CORO2B: variants seen among roughly 807,000 people sequenced by gnomAD.
CORO2B encodes the protein coronin 2B, also known as coronin-2B.
CORO2B carries 26 observed loss-of-function variants against 58.8 expected under a neutral mutation model. That is an observed-to-expected ratio of 0.44 (90% CI 0.32 to 0.61). The LOEUF (loss-of-function observed/expected upper bound fraction) is 0.61. Ranked by LOEUF, CORO2B falls within the 20% of genes least tolerant of loss-of-function variation. CORO2B has a pLI of 0.04. For missense variants in CORO2B, 460 were observed against 645.1 expected, an observed-to-expected ratio of 0.71 and a Z score of 3.11; for synonymous variants, 242 against 253.8, an observed-to-expected ratio of 0.95 and a Z score of 0.44.
intron 2 of CORO2B, among the ~76,000 whole-genome samples, chr15:68,655,272 G>A (rs919000543): frequency 5.9e-5 from 9 of 152,196 alleles, no homozygotes; most frequent in Admixed American, 1.3e-4. Flanking sequence ...GAATTGAGAC[G>A]GAGGCTCCTT....
intron 2 of CORO2B, among the ~76,000 whole-genome samples, chr15:68,688,526 A>AT: frequency 6.6e-6 from 1 of 152,348 alleles, no homozygotes; most frequent in Admixed American, 6.5e-5. Flanking sequence ...CTGAAAAAAA[A>AT]ATCAAAATCT....
At chr15:68,566,568 T>A in the CORO2B span, among the ~76,000 whole-genome samples, 1 of 152,290 alleles carries the variant, frequency 6.6e-6, no homozygotes, top group African/African-American at 2.4e-5. Context: ...GGACTCTTCA[T>A]GGTCCCAGAT....
chr15:68,528,035 A>G, the CORO2B span, among the ~76,000 whole-genome samples: 2 of 152,208 alleles, frequency 1.3e-5, no homozygotes, highest in Non-Finnish European at 2.9e-5. Context: ...ACCTTTAAAA[A>G]TGTATGTTCT....
intron 3 of CORO2B, among the ~76,000 whole-genome samples, chr15:68,697,190 TTGGATGGA>T (rs374285924): frequency 2.7e-5 from 4 of 148,652 alleles, no homozygotes; most frequent in African/African-American, 1.0e-4. Flanking sequence ...GGATGGATTG[TTGGATGGA>T]TGGATGGATG....
intron 2 of CORO2B, among the ~76,000 whole-genome samples, chr15:68,650,689 A>G (rs1038314143): frequency 6.6e-6 from 1 of 152,218 alleles, no homozygotes. Flanking sequence ...GTTACCTCCC[A>G]AGTATTGGGA....
intron 1 of CORO2B, among the ~76,000 whole-genome samples, chr15:68,637,310 T>C (rs965265557): frequency 1.3e-5 from 2 of 152,228 alleles, no homozygotes; most frequent in Non-Finnish European, 2.9e-5. Flanking sequence ...CCCTCGGGAC[T>C]GTAGGCTGGT....
chr15:68,670,279 A>T (rs1217278817), intron 2 of CORO2B, among the ~76,000 whole-genome samples: 1 of 152,014 alleles, frequency 6.6e-6, no homozygotes, highest in East Asian at 1.9e-4. Flanking sequence ...GGTTTAAGCT[A>T]TCCTACCACC....
chr15:68,619,505 C>T (rs1005764726), intron 1 of CORO2B, among the ~76,000 whole-genome samples: 1 of 152,158 alleles, frequency 6.6e-6, no homozygotes, highest in South Asian at 2.1e-4. Context: ...GCGTGCATCA[C>T]ATGGATGTAA....
chr15:68,711,078 A>T (rs1054699767), intron 4 of CORO2B, among the ~76,000 whole-genome samples, 197 bp downstream of exon 4: 1 of 152,168 alleles, frequency 6.6e-6, no homozygotes, highest in Non-Finnish European at 1.5e-5. Context: ...GGGTCCACAG[A>T]GGCCGGAGGC....
At chr15:68,531,555 G>GGAAAGAAAGAAA in the CORO2B span, among the ~76,000 whole-genome samples, 2 of 77,798 alleles carry the variant, frequency 2.6e-5, no homozygotes, top group Non-Finnish European at 5.2e-5. Context: ...AAGGAAGGAA[G>GGAAAGAAAGAAA]GAAAGAAAGA....
At chr15:68,528,728 T>A in the CORO2B span, among the ~76,000 whole-genome samples, 2 of 148,850 alleles carry the variant, frequency 1.3e-5, no homozygotes, top group Admixed American at 6.8e-5. Context: ...CTTTCTTAAG[T>A]GTTTGTTGGA....
intron 1 of CORO2B, among the ~76,000 whole-genome samples, chr15:68,606,294 G>A (rs932647977): frequency 6.6e-6 from 1 of 152,110 alleles, no homozygotes; most frequent in Admixed American, 6.5e-5. Flanking sequence ...TAGGGTGGTG[G>A]GGCTTAGCCA....
the CORO2B span, among the ~76,000 whole-genome samples, chr15:68,562,077 G>A: frequency 0.033 from 5,063 of 152,268 alleles, 137 homozygotes; most frequent in Middle Eastern, 0.078. Flanking sequence ...TGAGGAGAAA[G>A]GCCTTAATGA....
chr15:68,600,237 T>A (rs1423053301), intron 1 of CORO2B, among the ~76,000 whole-genome samples: 1 of 152,184 alleles, frequency 6.6e-6, no homozygotes, highest in Non-Finnish European at 1.5e-5. Flanking sequence ...CAAATCTTTC[T>A]AAAATGTGAA....
At chr15:68,611,134 G>A (rs2140245486) in intron 1 of CORO2B, among the ~76,000 whole-genome samples, 1 of 152,320 alleles carries the variant, frequency 6.6e-6, no homozygotes, top group East Asian at 1.9e-4. Context: ...TTCTCTATAT[G>A]TACACGCATG....
chr15:68,664,542 G>T (rs1471484575), intron 2 of CORO2B, among the ~76,000 whole-genome samples: 1 of 152,132 alleles, frequency 6.6e-6, no homozygotes, highest in Non-Finnish European at 1.5e-5. Context: ...AGCTACTTGG[G>T]AGGCTGAGGC....
chr15:68,661,711 A>G lies in CORO2B; in HGVS notation c.216+16351A>G, dbSNP rs1477588979. 3.3e-5 allele frequency among the ~76,000 whole-genome samples: 5 copies of G among 152,180 alleles called. No homozygotes were observed. The East Asian group carries it at 9.7e-4, about 29-fold the overall frequency. Reference sequence around the variant, plus strand: ...AGAACAGGGCACTTTCGTCTGCATTAAAAACCTGTTCAGGGCCTGGCGTGG... The same window carrying G: ...AGAACAGGGCACTTTCGTCTGCATTGAAAACCTGTTCAGGGCCTGGCGTGG... On this transcript the variant is annotated intron_variant, in intron 2 of 11. Transcript: ENST00000261861.
chr15:68,578,630 T>C (rs1899333958), upstream of CORO2B, among the ~76,000 whole-genome samples: 1 of 151,860 alleles, frequency 6.6e-6, no homozygotes, highest in South Asian at 2.1e-4. The surrounding 1 kb of genome is among the most constrained non-coding windows in gnomAD (Gnocchi z 4.2). Flanking sequence ...CCGACCGCCT[T>C]CTTTGCCCGC....
intron 3 of CORO2B, among the ~76,000 whole-genome samples, chr15:68,696,253 A>G (rs1892507731): frequency 6.6e-6 from 1 of 151,044 alleles, no homozygotes; most frequent in Non-Finnish European, 1.5e-5. Context: ...CTGTCTCAAA[A>G]AAAAAAAAAA....
Sources: gnomAD v4.1 joint callset for allele counts (sites outside exome capture counted in the v4.1 genomes callset) on GRCh38, gnomAD v4.1.1 for gene constraint, Gnocchi (gnomAD v3.1) non-coding constraint, MANE v1.5 for transcripts, NCBI Gene and HGNC (gene_info 2026-07-23, HGNC 2026-07-21) for gene names.